Variants in NUBPL observed in about 807,000 individuals in gnomAD.
NUBPL encodes the protein iron-sulfur cluster transfer protein NUBPL.
A neutral mutation model predicts 45.7 loss-of-function variants in NUBPL; 31 were observed. The observed-to-expected ratio is 0.68, with a 90% CI of 0.51 to 0.92. NUBPL has a LOEUF of 0.92. Ranked by LOEUF, NUBPL falls within the 40% of genes least tolerant of loss-of-function variation. The pLI, the probability that NUBPL is intolerant of heterozygous loss-of-function variation, is 0.00. For synonymous variants in NUBPL, 144 were observed against 140.9 expected, an observed-to-expected ratio of 1.02 and a Z score of -0.15; for missense variants, 401 against 398.7, an observed-to-expected ratio of 1.01 and a Z score of -0.05.
chr14:31,825,997 T>C (rs1009125882), intron 7 of NUBPL, among the ~76,000 whole-genome samples: 1 of 151,410 alleles, frequency 6.6e-6, no homozygotes, highest in Admixed American at 6.6e-5. Flanking sequence ...TATTGGACTA[T>C]TAATTTGAAA....
intron 6 of NUBPL, among the ~76,000 whole-genome samples, chr14:31,749,644 C>T (rs1044487921): frequency 1.5e-4 from 23 of 151,316 alleles, no homozygotes; most frequent in Admixed American, 1.1e-3. Flanking sequence ...TTTTTTCTTT[C>T]GTTTTTGATA....
At chr14:31,683,733 T>A (rs71417974) in intron 6 of NUBPL, among the ~76,000 whole-genome samples, 40 of 152,242 alleles carry the variant, frequency 2.6e-4, no homozygotes, top group African/African-American at 9.6e-4. Context: ...TTTAATCTGG[T>A]ACTGTTTTTC....
At chr14:31,608,090 T>G (rs922966752) in intron 4 of NUBPL, among the ~76,000 whole-genome samples, 4 of 152,306 alleles carry the variant, frequency 2.6e-5, no homozygotes, top group African/African-American at 9.6e-5. Context: ...TGGCATGACA[T>G]ATTTAAAATG....
intron 3 of NUBPL, among the ~76,000 whole-genome samples, chr14:31,578,510 A>G (rs1274249971): frequency 5.9e-5 from 9 of 152,340 alleles, no homozygotes; most frequent in African/African-American, 2.2e-4. Context: ...CTGTGCAGAA[A>G]TGGGTCAATG....
At chr14:31,825,644 C>CTCCTCTCCTT (rs1555341855) in intron 7 of NUBPL, among the ~76,000 whole-genome samples, 8 of 146,886 alleles carry the variant, frequency 5.4e-5, no homozygotes, top group Non-Finnish European at 1.2e-4. Flanking sequence ...TCCCCTCTTT[C>CTCCTCTCCTT]TCCTTTCCTT....
At chr14:31,775,658 A>T (rs1475022798) in intron 6 of NUBPL, among the ~76,000 whole-genome samples, 1 of 152,002 alleles carries the variant, frequency 6.6e-6, no homozygotes, top group Non-Finnish European at 1.5e-5. Context: ...TCTTAATTTG[A>T]TGCACATATT....
At chr14:31,707,404 T>C (rs981865341) in intron 6 of NUBPL, among the ~76,000 whole-genome samples, 9 of 152,250 alleles carry the variant, frequency 5.9e-5, no homozygotes, top group Admixed American at 1.3e-4. Flanking sequence ...TCTCTTTCTT[T>C]CTCTTTGACT....
chr14:31,637,281 A>T, intron 4 of NUBPL, among the ~76,000 whole-genome samples: 1 of 152,156 alleles, frequency 6.6e-6, no homozygotes, highest in East Asian at 1.9e-4. Flanking sequence ...AGATTCTGGT[A>T]TGTTGTGTCT....
At chr14:31,664,940 G>A (rs941384537) in intron 4 of NUBPL, among the ~76,000 whole-genome samples, 1 of 151,210 alleles carries the variant, frequency 6.6e-6, no homozygotes, top group East Asian at 1.9e-4. Flanking sequence ...TCAGGTATTA[G>A]TTTAGTCTTG....
chr14:31,679,384 G>C (rs6571448), intron 6 of NUBPL, among the ~76,000 whole-genome samples: 83,142 of 151,926 alleles, frequency 0.55, 24,912 homozygotes, highest in African/African-American at 0.81. Context: ...TTGCTTTGCT[G>C]TCTCTCTCTT....
At chr14:31,590,606 T>C (rs1279095339) in intron 3 of NUBPL, among the ~76,000 whole-genome samples, 1 of 152,218 alleles carries the variant, frequency 6.6e-6, no homozygotes, top group Non-Finnish European at 1.5e-5. Flanking sequence ...TTAAGGACAT[T>C]CTTAAGGAAT....
At chr14:31,682,307 G>A (rs1011594205) in intron 6 of NUBPL, among the ~76,000 whole-genome samples, 12 of 152,088 alleles carry the variant, frequency 7.9e-5, no homozygotes, top group Non-Finnish European at 1.3e-4. Context: ...TCATATTGAA[G>A]TCTACTTTAT....
At chr14:31,788,768 C>T (rs1266727974) in intron 7 of NUBPL, among the ~76,000 whole-genome samples, 2 of 152,162 alleles carry the variant, frequency 1.3e-5, no homozygotes, top group African/African-American at 2.4e-5. Flanking sequence ...TCTGTTCATA[C>T]CTAGCATGCA....
chr14:31,607,754 A>C (rs1227223549), intron 4 of NUBPL, among the ~76,000 whole-genome samples: 2 of 152,170 alleles, frequency 1.3e-5, no homozygotes, highest in Non-Finnish European at 2.9e-5. Flanking sequence ...AATAGTCTCA[A>C]AAGGGTAAAT....
At chr14:31,700,118 G>A (rs1392142325) in intron 6 of NUBPL, among the ~76,000 whole-genome samples, 1 of 152,180 alleles carries the variant, frequency 6.6e-6, no homozygotes, top group Non-Finnish European at 1.5e-5. Context: ...TTGTTATACA[G>A]TATTCATTAT....
intron 6 of NUBPL, among the ~76,000 whole-genome samples, chr14:31,706,640 T>C (rs539703865): frequency 6.6e-6 from 1 of 152,232 alleles, no homozygotes; most frequent in South Asian, 2.1e-4. Flanking sequence ...AGGTGCAGAG[T>C]CCTCTTTTCT....
intron 6 of NUBPL, among the ~76,000 whole-genome samples, chr14:31,726,943 C>T (rs576209890): frequency 6.6e-6 from 1 of 152,164 alleles, no homozygotes; most frequent in South Asian, 2.1e-4. Flanking sequence ...AAATACTCAA[C>T]AGATATCAGT....
At chr14:31,573,753 G>A (rs2033648580) in intron 3 of NUBPL, among the ~76,000 whole-genome samples, 2 of 152,126 alleles carry the variant, frequency 1.3e-5, no homozygotes, top group Non-Finnish European at 2.9e-5. Flanking sequence ...CCAGCATTAG[G>A]TTATTCTTGT....
intron 4 of NUBPL, among the ~76,000 whole-genome samples, chr14:31,654,391 T>C (rs948252661): frequency 3.3e-5 from 5 of 151,690 alleles, no homozygotes; most frequent in Non-Finnish European, 4.4e-5. Flanking sequence ...GGGTTGGGTA[T>C]GGCAATTAAC....
Sources: gnomAD v4.1 joint callset for allele counts (sites outside exome capture counted in the v4.1 genomes callset) on GRCh38, gnomAD v4.1.1 for gene constraint, MANE v1.5 for transcripts, NCBI Gene and HGNC (gene_info 2026-07-23, HGNC 2026-07-21) for gene names.